The following ELP1 variants were observed in gnomAD, a reference collection of about 807,000 sequenced individuals.
ELP1 encodes elongator acetyltransferase complex subunit 1, also known as elongator complex protein 1.
A neutral mutation model predicts 183.2 loss-of-function variants in ELP1; 131 were observed. The observed-to-expected ratio is 0.72, with a 90% CI of 0.62 to 0.83. The LOEUF (loss-of-function observed/expected upper bound fraction) is 0.83, where lower values mean the gene tolerates loss of function less well. Ranked by LOEUF, ELP1 falls within the 40% of genes least tolerant of loss-of-function variation. The pLI is 0.00. For synonymous variants in ELP1, 555 were observed against 569.0 expected, an observed-to-expected ratio of 0.98 and a Z score of 0.35; for missense variants, 1,550 against 1,594.9, an observed-to-expected ratio of 0.97 and a Z score of 0.48.
chr9:108,889,970 C>A (rs561679705), intron 28 of ELP1, among the ~76,000 whole-genome samples: 1 of 152,234 alleles, frequency 6.6e-6, no homozygotes, highest in African/African-American at 2.4e-5. Flanking sequence ...TAAATGTACA[C>A]ACAGAGTGAC....
At chr9:108,920,908 G>A (rs907792034) in intron 6 of ELP1, among the ~76,000 whole-genome samples, 2 of 151,700 alleles carry the variant, frequency 1.3e-5, no homozygotes, top group South Asian at 2.1e-4. Flanking sequence ...CCCTAATTTT[G>A]TTAATACTAG....
In ELP1 at chr9:108,878,658, A is replaced by G; in HGVS notation, c.3665T>C (p.Leu1222Pro). 6.2e-7 allele frequency: 1 copy of G among 1,614,230 alleles called. No individual in the cohort carries two copies. The highest frequency in any genetic ancestry group is 8.5e-7 in the Non-Finnish European group (1 of 1,180,032). ...TTCAGTGTTCTGCACCACTTCACTC[A>G]GTGCCTCCAGGAGGGCCAGGTCCTC... Reference protein sequence around the residue: ...PLEDLALLEALSEVVQNTENL... With the variant: ...PLEDLALLEAPSEVVQNTENL... The change falls in exon 34 of 37, where the codon CTG (leucine) becomes CCG (proline). Residue 1222 changes from leucine (L) to proline (P), a missense_variant. By Grantham distance (98) the Leu-to-Pro change is moderately conservative. Transcript: ENST00000374647.
At chr9:108,875,725 T>C in intron 35 of ELP1, 1 of 426,542 alleles carries the variant, frequency 2.3e-6, no homozygotes, top group Non-Finnish European at 4.6e-6. Context: ...CAAGACTCCC[T>C]CTCCCCATGT....
intron 6 of ELP1, among the ~76,000 whole-genome samples, 161 bp from the exon 7 acceptor site, chr9:108,919,510 G>A (rs761552414): frequency 1.3e-5 from 2 of 150,666 alleles, no homozygotes; most frequent in Admixed American, 6.6e-5. Context: ...TTCTTAGAAC[G>A]CAGAAATCAT....
rs375962780 is a variant in ELP1 at position 108,931,177 on chromosome 9, C to G, written c.-31G>C. The G allele has an allele frequency of 1.8e-4, 285 of 1,605,846 alleles. No homozygotes were observed. Among genetic ancestry groups the G allele is most frequent in the Non-Finnish European group, 2.3e-4 (267 of 1,172,654 alleles). On this transcript the variant is annotated 5_prime_UTR_variant, in exon 2 of 37. Transcript: ENST00000374647. The stretch of plus-strand genomic sequence containing the variant: ...AGTGATTCCCACGAGACAAGTACAA[C>G]TATCCCTTGATGAATCATTAATCTC...
intron 29 of ELP1, among the ~76,000 whole-genome samples, chr9:108,883,855 G>GA (rs1828022740): frequency 6.6e-6 from 1 of 151,432 alleles, no homozygotes. Context: ...AGCAAAAAAA[G>GA]AAAAAAACAA....
intron 36 of ELP1, among the ~76,000 whole-genome samples, chr9:108,872,694 A>G (rs1345599106): frequency 6.7e-6 from 1 of 148,350 alleles, no homozygotes; most frequent in Non-Finnish European, 1.5e-5. Context: ...AGTCCCAGCT[A>G]CTCAGGAGGG....
At chr9:108,883,915 G>A (rs1828024736) in intron 29 of ELP1, among the ~76,000 whole-genome samples, 1 of 151,850 alleles carries the variant, frequency 6.6e-6, no homozygotes, top group Non-Finnish European at 1.5e-5. Context: ...AAGACTGTAG[G>A]TTTAAATCTA....
chr9:108,869,928 G>T (rs376180702), intron 36 of ELP1, among the ~76,000 whole-genome samples: 7 of 152,116 alleles, frequency 4.6e-5, no homozygotes, highest in African/African-American at 1.7e-4. Context: ...CTTGAATGTA[G>T]GGTTATGGGT....
rs1196820577 is a variant in ELP1, at chr9:108,898,600, A to C, written c.2284-19T>G. 2.5e-6 allele frequency: 4 copies of C among 1,604,662 alleles called. No homozygotes were observed. The highest frequency in any genetic ancestry group is 3.4e-6 in the Non-Finnish European group (4 of 1,171,834). ...GAAACACCTACCAAAAAAAGGACAA[A>C]ACATCTTCGTTCAGATCATATTAGT... On this transcript the variant is annotated intron_variant, in intron 21 of 36. Coordinates refer to ENST00000374647, the MANE Select transcript of ELP1 (RefSeq NM_003640.5).
chr9:108,927,688 G>A (rs529899634), intron 3 of ELP1, among the ~76,000 whole-genome samples: 1 of 152,260 alleles, frequency 6.6e-6, no homozygotes, highest in South Asian at 2.1e-4. Context: ...ATACACAATG[G>A]AGTACTATTC....
At chr9:108,879,291 T>C (rs1296468113) in intron 33 of ELP1, among the ~76,000 whole-genome samples, 155 bp downstream of exon 33, 1 of 152,214 alleles carries the variant, frequency 6.6e-6, no homozygotes. Context: ...ATGTCTCAGA[T>C]ATGCTGGGAA....
intron 22 of ELP1, among the ~76,000 whole-genome samples, chr9:108,898,271 A>G (rs1363182302): frequency 2.0e-5 from 3 of 152,210 alleles, no homozygotes; most frequent in Non-Finnish European, 4.4e-5. Context: ...TATACCTAAA[A>G]ATCAAGTGAA....
intron 1 of ELP1, among the ~76,000 whole-genome samples, chr9:108,931,953 A>C (rs986396159): frequency 6.6e-6 from 1 of 152,180 alleles, no homozygotes; most frequent in Non-Finnish European, 1.5e-5. Context: ...TAAATGCATA[A>C]CATTACCTAA....
chr9:108,890,036 T>C (rs753937952), intron 28 of ELP1, among the ~76,000 whole-genome samples: 22 of 152,168 alleles, frequency 1.4e-4, no homozygotes, highest in Non-Finnish European at 3.1e-4. Context: ...CACCTACTTT[T>C]GCTAAACATC....
Position 108,912,300 on chromosome 9 carries a change from AAT to A in ELP1, c.1151_1152del (p.Asn384IlefsTer3). 1 of 1,614,134 alleles carries A rather than the reference AAT, an allele frequency of 6.2e-7. No homozygotes were observed. The highest frequency in any genetic ancestry group is 8.5e-7 in the Non-Finnish European group (1 of 1,180,028). On this transcript the variant is annotated frameshift_variant, in exon 11 of 37. Transcript: ENST00000374647. LOFTEE classifies it high-confidence loss of function. ...HWTTDRSVGD[N>X]SSDLSNVAVI... The stretch of plus-strand genomic sequence containing the variant: ...ACAGCCACATTGGACAAGTCACTTG[AAT>A]TATCTCCCACGCTCCGGTCAGTCGT...
Position 108,897,089 on chromosome 9 carries a change from C to A in ELP1, c.2502-51G>T, listed in dbSNP as rs1828582672. ...GAATGAGAAAGGTAAGTAGGCTGGACAAGGACAACTACACACTTCGGTTTT... is the reference window on the plus strand; with the variant it reads ...GAATGAGAAAGGTAAGTAGGCTGGAAAAGGACAACTACACACTTCGGTTTT... On this transcript the variant is annotated intron_variant, in intron 23 of 36. Coordinates refer to ENST00000374647, the MANE Select transcript of ELP1 (RefSeq NM_003640.5). 6.2e-7 allele frequency: 1 copy of A among 1,613,746 alleles called. No individual in the cohort carries two copies. The highest frequency in any genetic ancestry group is 1.1e-5 in the South Asian group (1 of 91,060).
chr9:108,888,076 C>T (rs1012958992), intron 29 of ELP1, among the ~76,000 whole-genome samples: 2 of 152,178 alleles, frequency 1.3e-5, no homozygotes, highest in Non-Finnish European at 2.9e-5. Context: ...TAATGGGATA[C>T]TATTCAGCAA....
intron 29 of ELP1, among the ~76,000 whole-genome samples, chr9:108,886,377 G>A (rs1035090943): frequency 2.0e-5 from 3 of 151,920 alleles, no homozygotes; most frequent in South Asian, 2.1e-4. Context: ...GCAAAGACAC[G>A]AAAAAACTAC....
Sources: gnomAD v4.1 joint callset for allele counts (sites outside exome capture counted in the v4.1 genomes callset) on GRCh38, gnomAD v4.1.1 for gene constraint, MANE v1.5 for transcripts, NCBI Gene and HGNC (gene_info 2026-07-23, HGNC 2026-07-21) for gene names.